NFS1: variants seen among roughly 807,000 people sequenced by gnomAD.
NFS1 encodes the protein cysteine desulfurase.
In NFS1, 26 loss-of-function variants were observed where a neutral mutation model predicts 57.3. That is an observed-to-expected ratio of 0.45 (90% CI 0.33 to 0.63). The LOEUF (loss-of-function observed/expected upper bound fraction) is 0.63. Ranked by LOEUF, NFS1 falls within the 20% of genes least tolerant of loss-of-function variation. NFS1 has a pLI of 0.02. For missense variants in NFS1, 505 were observed against 605.8 expected (o/e 0.83, Z 1.75); for synonymous variants, 209 against 216.3 (o/e 0.97, Z 0.30).
rs1012670463 is a variant in NFS1, at chr20:35,698,846, G to A, written c.98-256C>T. Reference sequence around the variant, plus strand: ...TATCGTAGGAAGGAAGGCTCTAAAGGGCAAAGACGTTTAGAAGGAACGTGG... The same window carrying A: ...TATCGTAGGAAGGAAGGCTCTAAAGAGCAAAGACGTTTAGAAGGAACGTGG... On this transcript the variant is annotated intron_variant, in intron 1 of 12. Transcript: ENST00000374092. The A allele has an allele frequency of 1.2e-5, 16 of 1,355,390 alleles. No homozygotes were observed. The East Asian group carries it at 3.9e-4, about 33-fold the overall frequency. 84.0% of individuals were successfully genotyped at this position (1,355,390 alleles called of 1,614,324 possible). A position where few individuals can be genotyped will look rare whatever the true frequency, so the allele number is the denominator to read the frequency against.
At chr20:35,684,182 C>T (rs566625080) in intron 5 of NFS1, among the ~76,000 whole-genome samples, 19 of 150,294 alleles carry the variant, frequency 1.3e-4, no homozygotes, top group Admixed American at 1.1e-3. Context: ...CCGAGGCGGG[C>T]GGATCACAAG....
chr20:35,696,547 G>A, intron 3 of NFS1, 87 bp from the exon 4 acceptor site: 1 of 952,030 alleles, frequency 1.1e-6, no homozygotes, highest in Non-Finnish European at 1.7e-6. Context: ...CCTGGAGCAA[G>A]AAGAGCTCCA....
intron 12 of NFS1, among the ~76,000 whole-genome samples, chr20:35,671,155 G>C (rs539562567): frequency 6.6e-6 from 1 of 152,206 alleles, no homozygotes; most frequent in Non-Finnish European, 1.5e-5. Context: ...CCAGGCTGGA[G>C]AGCAGTGGTG....
chr20:35,672,267 G>C (rs1198486275), intron 12 of NFS1, among the ~76,000 whole-genome samples: 1 of 148,690 alleles, frequency 6.7e-6, no homozygotes, highest in Non-Finnish European at 1.5e-5. Flanking sequence ...TTTTTTTTTT[G>C]GGACGGAGTT....
At chr20:35,693,924 T>A (rs1885913794) in intron 4 of NFS1, among the ~76,000 whole-genome samples, 1 of 151,610 alleles carries the variant, frequency 6.6e-6, no homozygotes, top group African/African-American at 2.4e-5. Context: ...ATCACGCCAC[T>A]GCACTCCAGC....
In NFS1 at chr20:35,698,542, G is replaced by A. The variant is rs746995060; in HGVS notation, c.146C>T (p.Ala49Val). 28 of 1,613,730 alleles carry A rather than the reference G, an allele frequency of 1.7e-5. No individual in the cohort carries two copies. Among genetic ancestry groups the A allele is most frequent in the Non-Finnish European group, 2.3e-5 (27 of 1,179,892 alleles). The change falls in exon 2 of 13, where the codon GCC (alanine) becomes GTC (valine). Residue 49 changes from alanine (A) to valine (V), a missense_variant. Transcript: ENST00000374092. Reference sequence around the variant, plus strand: ...TCGCAGCACTGGCCCCACCTCCGGGGCAGCGGCTGTATCTGCGGGAACCGC... The same window carrying A: ...TCGCAGCACTGGCCCCACCTCCGGGACAGCGGCTGTATCTGCGGGAACCGC... ...QSAVPADTAA[A>V]PEVGPVLRPL...
chr20:35,672,256 C>CT (rs1012299801), intron 12 of NFS1, among the ~76,000 whole-genome samples: 13 of 146,542 alleles, frequency 8.9e-5, no homozygotes, highest in East Asian at 2.0e-4. Context: ...CTGTGCCCGG[C>CT]TTTTTTTTTT....
At position 35,699,171 on chromosome 20, in the gene NFS1, G is replaced by C; in HGVS notation, c.97+21C>G. ...GGAGGGGACAGGTCCGCGCCTCCCG[G>C]AGAGCGGGACCCGAGCGTACCGCGC... On this transcript the variant is annotated intron_variant, in intron 1 of 12. Transcript: ENST00000374092. The surrounding 1 kb of genome is among the most constrained non-coding windows in gnomAD (Gnocchi z 4.4). 7.2e-7 allele frequency: 1 copy of C among 1,390,058 alleles called. No homozygotes were observed. The highest frequency in any genetic ancestry group is 9.2e-7 in the Non-Finnish European group (1 of 1,081,528). The allele number at this position is 1,390,058 out of a possible 1,614,324, so 86.1% of individuals were successfully genotyped here.
chr20:35,674,557 G>C lies in NFS1; in HGVS notation c.1009C>G (p.Leu337Val), dbSNP rs756383218. ...ERLIQNIMKS[L>V]PDVVMNGDPK... ...TCCCCATTCATCACCACATCTGGAA[G>C]GCTCTTCATTATATTCTGTATCAGC... The change falls in exon 9 of 13, where the codon CTT (leucine) becomes GTT (valine). Residue 337 changes from leucine (L) to valine (V), a missense_variant. Transcript: ENST00000374092. 39 of 1,614,094 alleles carry C rather than the reference G, an allele frequency of 2.4e-5. No homozygotes were observed. In the Admixed American group the frequency reaches 5.5e-4, roughly 23 times the overall value.
chr20:35,698,409 A>T (rs546133790), intron 2 of NFS1, 72 bp downstream of exon 2: 1 of 1,156,634 alleles, frequency 8.6e-7, no homozygotes, highest in African/African-American at 1.5e-5. Flanking sequence ...CCAGGGATTC[A>T]GCCATTTCTT....
chr20:35,670,663 A>G (rs1326267522), intron 12 of NFS1, among the ~76,000 whole-genome samples: 1 of 152,180 alleles, frequency 6.6e-6, no homozygotes, highest in Non-Finnish European at 1.5e-5. Flanking sequence ...ACCAGGCTGC[A>G]TTCAGTTTGT....
Position 35,680,833 on chromosome 20 carries a change from C to A in NFS1, c.694G>T (p.Asp232Tyr). 1 of 1,579,868 alleles carries A rather than the reference C, an allele frequency of 6.3e-7. No homozygotes were observed. The change falls in exon 7 of 13, where the codon GAT becomes TAT. Residue 232 changes from aspartate to tyrosine, a missense_variant. By Grantham distance (160) the Asp-to-Tyr change is radical. Coordinates refer to ENST00000374092, the MANE Select transcript of NFS1 (RefSeq NM_021100.5). ...CSSRKVYFHT[D>Y]AAQAVGKIPL... ...ATTTTTCCAACAGCCTGGGCTGCAT[C>A]AGTATGGAAATATACCTTTCTGGAA... is the stretch of plus-strand genomic sequence containing the variant.
intron 12 of NFS1, among the ~76,000 whole-genome samples, chr20:35,670,714 T>C (rs1483293713): frequency 6.6e-6 from 1 of 152,098 alleles, no homozygotes; most frequent in African/African-American, 2.4e-5. Context: ...CGAAGCCACA[T>C]AGATAGGAAA....
chr20:35,675,737 C>T (rs566133677), intron 7 of NFS1: 5 of 154,688 alleles, frequency 3.2e-5, no homozygotes, highest in South Asian at 2.0e-4. Context: ...ATTAGCCAAG[C>T]GTGGTAGCAG....
rs541865819 is a variant in NFS1, at chr20:35,683,555, C to T, written c.562-1574G>A. Among the ~76,000 whole-genome samples, 4 of 151,056 alleles carry T rather than the reference C, an allele frequency of 2.6e-5. No homozygotes were observed. In the South Asian group the frequency reaches 8.4e-4, roughly 32 times the overall value. On this transcript the variant is annotated intron_variant, in intron 5 of 12. Coordinates refer to ENST00000374092, the MANE Select transcript of NFS1 (RefSeq NM_021100.5). ...AAGCACTTTGGGAGGCTGAGGCGGG[C>T]GTATCACAAAGTCAAGAGATCGAGA...
Position 35,694,226 on chromosome 20 carries a change from C to T in NFS1, c.408+2151G>A, listed in dbSNP as rs371381838. ...CAATCTCGGCCCACTGCAACTGCAA[C>T]CTCTGCCTCCTGGGTTCAACTGATT... is the stretch of plus-strand genomic sequence containing the variant. On this transcript the variant is annotated intron_variant, in intron 4 of 12. Transcript: ENST00000374092. Among the ~76,000 whole-genome samples the T allele has an allele frequency of 4.0e-5, 6 of 151,382 alleles. No homozygotes were observed. In the East Asian group the frequency reaches 5.9e-4, roughly 15 times the overall value.
At chr20:35,676,454 C>A (rs1299029710) in intron 7 of NFS1, among the ~76,000 whole-genome samples, 4 of 151,706 alleles carry the variant, frequency 2.6e-5, no homozygotes, top group Non-Finnish European at 4.4e-5. Flanking sequence ...GGCGTGGTGG[C>A]ACGCACCTGT....
rs2034715804 is a variant in NFS1, at chr20:35,674,958, G to A, written c.948+87C>T. ...TTCTTAAGCCCTCTCTCCCTGCAGA[G>A]ATCTGCCTCAGTCATGCTGAGAAGC... is the stretch of plus-strand genomic sequence containing the variant. On this transcript the variant is annotated intron_variant, in intron 8 of 12. Transcript: ENST00000374092. The A allele has an allele frequency of 2.6e-6, 4 of 1,555,002 alleles. No individual in the cohort carries two copies. The Admixed American group carries it at 6.7e-5, about 26-fold the overall frequency.
intron 7 of NFS1, chr20:35,675,601 G>A (rs2034726413): frequency 5.4e-6 from 1 of 185,492 alleles, no homozygotes. Flanking sequence ...TGAGGGGGCC[G>A]GGTGTGGTGG....
Sources: gnomAD v4.1 joint callset for allele counts (sites outside exome capture counted in the v4.1 genomes callset) on GRCh38, gnomAD v4.1.1 for gene constraint, Gnocchi (gnomAD v3.1) non-coding constraint, MANE v1.5 for transcripts, NCBI Gene and HGNC (gene_info 2026-07-23, HGNC 2026-07-21) for gene names.